The following KNDC1 variants were observed in gnomAD, a reference collection of about 807,000 sequenced individuals.
KNDC1 encodes the protein kinase non-catalytic C-lobe domain-containing protein 1.
A neutral mutation model predicts 172.8 loss-of-function variants in KNDC1; 106 were observed. The ratio of observed to expected loss-of-function variants is 0.61; its 90% confidence interval spans 0.52 to 0.72. The LOEUF is 0.72. Among genes scored for constraint, KNDC1 ranks in the 30% least tolerant of loss-of-function variants. KNDC1 has a pLI of 0.00. For synonymous variants in KNDC1, 1,083 were observed against 1,062.2 expected (o/e 1.02, Z -0.38); for missense variants, 2,325 against 2,394.5 (o/e 0.97, Z 0.61).
intron 25 of KNDC1, 77 bp from the exon 26 acceptor site, chr10:133,213,895 C>A (rs1019266264): frequency 3.2e-6 from 5 of 1,582,420 alleles, no homozygotes; most frequent in Non-Finnish European, 4.3e-6. Context: ...CCAGCCCACC[C>A]TGCACCAGCA....
intron 26 of KNDC1, among the ~76,000 whole-genome samples, chr10:133,217,083 G>A (rs984859407): frequency 1.3e-5 from 2 of 152,236 alleles, no homozygotes; most frequent in African/African-American, 2.4e-5. Flanking sequence ...AAGATGGAGA[G>A]TCGCAGACAT....
chr10:133,174,330 C>T (rs750272891), intron 3 of KNDC1: 8 of 149,842 alleles, frequency 5.3e-5, no homozygotes, highest in Non-Finnish European at 1.0e-4. Flanking sequence ...GAAGGAAGGG[C>T]GGTGAAGATG....
intron 6 of KNDC1, among the ~76,000 whole-genome samples, chr10:133,187,774 C>T (rs920228223): frequency 1.3e-5 from 2 of 152,154 alleles, no homozygotes; most frequent in Non-Finnish European, 2.9e-5. Flanking sequence ...GAAAATGCAC[C>T]GAACAAAAGC....
intron 1 of KNDC1, among the ~76,000 whole-genome samples, chr10:133,161,156 C>T (rs1213561121): frequency 6.6e-6 from 1 of 152,182 alleles, no homozygotes; most frequent in African/African-American, 2.4e-5. Context: ...CCTACAGCAC[C>T]GGCTGCCCAG....
chr10:133,206,846 C>T lies in KNDC1; in HGVS notation c.3482-10C>T. 1 of 1,613,920 alleles carries T rather than the reference C, an allele frequency of 6.2e-7. No homozygotes were observed. The highest frequency in any genetic ancestry group is 2.2e-5 in the East Asian group (1 of 44,872). On this transcript the variant is annotated splice_polypyrimidine_tract_variant and intron_variant, in intron 18 of 29. Coordinates refer to ENST00000304613, the MANE Select transcript of KNDC1 (RefSeq NM_152643.8). ...CAGCCCGGCCCCCACCCACTCTGCT[C>T]CACCCACAGGTTCCGACGTCAAGAC...
At chr10:133,206,082 C>T (rs932978438) in intron 17 of KNDC1, among the ~76,000 whole-genome samples, 21 of 152,096 alleles carry the variant, frequency 1.4e-4, no homozygotes, top group Admixed American at 1.2e-3. Flanking sequence ...TGCCTGTAAT[C>T]CCAGCTACTC....
Position 133,186,421 on chromosome 10 carries a change from A to G in KNDC1, c.1073A>G (p.Gln358Arg). The change falls in exon 6 of 30, where the codon CAG (glutamine) becomes CGG (arginine). Residue 358 changes from glutamine to arginine, a missense_variant. Gln to Arg is a conservative substitution (Grantham distance 43, BLOSUM62 1). Coordinates refer to ENST00000304613, the MANE Select transcript of KNDC1 (RefSeq NM_152643.8). ...RKNGLSSFQA[Q>R]PKCRLWPEQE... Reference sequence around the variant, plus strand: ...AATGGCCTTTCTAGCTTCCAGGCTCAGCCCAAATGCAGGCTGTGGCCGGAG... The same window carrying G: ...AATGGCCTTTCTAGCTTCCAGGCTCGGCCCAAATGCAGGCTGTGGCCGGAG... 1 of 1,612,738 alleles carries G rather than the reference A, an allele frequency of 6.2e-7. No individual in the cohort carries two copies.
At chr10:133,193,925 G>A (rs1297138328) in intron 9 of KNDC1, among the ~76,000 whole-genome samples, 1 of 152,202 alleles carries the variant, frequency 6.6e-6, no homozygotes, top group Non-Finnish European at 1.5e-5. Context: ...AATATGTGAA[G>A]CAAAACTGAT....
chr10:133,201,679 A>G lies in KNDC1; in HGVS notation c.3168A>G (p.Pro1056=). ...CTGAGGCTGGCGAGGACAGACGGCC[A>G]GCTGGCGGGGCCTCAGACGTGGAGG... The part of the protein sequence containing the change: ...QQPEAGEDRR[P]AGGASDVEAV... The change falls in exon 17 of 30, where the codon CCA becomes CCG. Residue 1056 remains proline (P), a synonymous_variant. Coordinates refer to ENST00000304613, the MANE Select transcript of KNDC1 (RefSeq NM_152643.8). The G allele has an allele frequency of 6.2e-7, 1 of 1,612,590 alleles. No individual in the cohort carries two copies. Among genetic ancestry groups the G allele is most frequent in the Non-Finnish European group, 8.5e-7 (1 of 1,179,882 alleles).
intron 3 of KNDC1, among the ~76,000 whole-genome samples, chr10:133,168,988 G>A (rs563846540): frequency 6.6e-6 from 1 of 152,360 alleles, no homozygotes; most frequent in African/African-American, 2.4e-5. Context: ...GAGTCGATCA[G>A]TCCATCAGGC....
At chr10:133,202,070 G>C (rs1401861453) in intron 17 of KNDC1, 172 bp downstream of exon 17, 1 of 781,238 alleles carries the variant, frequency 1.3e-6, no homozygotes, top group Admixed American at 2.0e-5. Flanking sequence ...CCCCCTCCCT[G>C]GGCTGAGCTC....
chr10:133,219,387 G>T (rs915717684), intron 28 of KNDC1, among the ~76,000 whole-genome samples: 2 of 152,202 alleles, frequency 1.3e-5, no homozygotes, highest in African/African-American at 4.8e-5. Flanking sequence ...GAGCTTGACC[G>T]ACCTGGACCT....
At chr10:133,212,653 C>A in intron 23 of KNDC1, 63 bp from the exon 24 acceptor site, 1 of 1,468,192 alleles carries the variant, frequency 6.8e-7, no homozygotes, top group Non-Finnish European at 9.4e-7. Flanking sequence ...CCCTGCCTCC[C>A]TGGACCCCTG....
At chr10:133,185,850 A>AGG (rs1853884050) in intron 5 of KNDC1, 124 bp from the exon 6 acceptor site, 2 of 265,040 alleles carry the variant, frequency 7.5e-6, no homozygotes, top group Non-Finnish European at 1.3e-5. Context: ...AGGGGAGGGG[A>AGG]GGGGAGAGGT....
At position 133,207,151 on chromosome 10, in the gene KNDC1, A is replaced by G; in HGVS notation, c.3594A>G (p.Glu1198=). 1 of 1,595,188 alleles carries G rather than the reference A, an allele frequency of 6.3e-7. No individual in the cohort carries two copies. The highest frequency in any genetic ancestry group is 1.1e-5 in the South Asian group (1 of 89,412). Residue 1198 remains glutamate, a synonymous_variant, in exon 20 of 30, where the codon GAA becomes GAG. Transcript: ENST00000304613. ...CGCTCCGGCAGGTCATGTACGCGGA[A>G]CGCTGGGGCCTGGAGCCCTGCACCC... ...VKKYLQVMYA[E]RWGLEPCTLP...
At chr10:133,223,980 T>G (rs1437737662) in intron 29 of KNDC1, among the ~76,000 whole-genome samples, 2 of 134,180 alleles carry the variant, frequency 1.5e-5, no homozygotes. Flanking sequence ...CTTCCCGGCG[T>G]GTGTGTGTGT....
At chr10:133,167,937 G>A (rs968574296) in intron 2 of KNDC1, among the ~76,000 whole-genome samples, 6 of 152,222 alleles carry the variant, frequency 3.9e-5, no homozygotes, top group Admixed American at 3.3e-4. Context: ...CCGGGAGGGT[G>A]GGACGCCCCT....
Position 133,209,977 on chromosome 10 carries a change from T to C in KNDC1, c.3795-634T>C, listed in dbSNP as rs1845323425. On this transcript the variant is annotated intron_variant, in intron 20 of 29. Coordinates refer to ENST00000304613, the MANE Select transcript of KNDC1 (RefSeq NM_152643.8). This position sits in a 1 kb window ranked among gnomAD's most constrained non-coding sequence, Gnocchi z 4.9. ...TTCACCCAGTGAAGACCCAGAACCTTTGAGCGTGCAGCATTGCGCCCGGTC... is the reference window on the plus strand; with the variant it reads ...TTCACCCAGTGAAGACCCAGAACCTCTGAGCGTGCAGCATTGCGCCCGGTC... Among the ~76,000 whole-genome samples the C allele has an allele frequency of 6.6e-6, 1 of 152,078 alleles. No homozygotes were observed. The highest frequency in any genetic ancestry group is 1.5e-5 in the Non-Finnish European group (1 of 68,004).
chr10:133,189,685 C>G lies in KNDC1; in HGVS notation c.1513+16C>G, dbSNP rs747148640. On this transcript the variant is annotated intron_variant, in intron 8 of 29. Coordinates refer to ENST00000304613, the MANE Select transcript of KNDC1 (RefSeq NM_152643.8). The stretch of plus-strand genomic sequence containing the variant: ...CCTGCCAACGGTGAGTGTGTGGGTT[C>G]CCCTCAGGCCGAGTCCAGCACCGGC... The G allele has an allele frequency of 1.2e-6, 2 of 1,613,836 alleles. No individual in the cohort carries two copies. The highest frequency in any genetic ancestry group is 2.7e-5 in the African/African-American group (2 of 74,942).
Sources: gnomAD v4.1 joint callset for allele counts (sites outside exome capture counted in the v4.1 genomes callset) on GRCh38, gnomAD v4.1.1 for gene constraint, Gnocchi (gnomAD v3.1) non-coding constraint, MANE v1.5 for transcripts, NCBI Gene and HGNC (gene_info 2026-07-23, HGNC 2026-07-21) for gene names.